Variants in SACS observed in about 807,000 individuals in gnomAD.
SACS encodes sacsin molecular chaperone, also known as sacsin.
Under a neutral mutation model 348.0 loss-of-function variants are expected in SACS, and 197 were observed. That is an observed-to-expected ratio of 0.57 (90% CI 0.50 to 0.64). The LOEUF (loss-of-function observed/expected upper bound fraction) is 0.64, where lower values mean the gene tolerates loss of function less well. Among genes scored for constraint, SACS ranks in the 30% least tolerant of loss-of-function variants. The pLI is 0.00. For missense variants in SACS, 4,999 were observed against 5,360.8 expected (o/e 0.93, Z 2.11); for synonymous variants, 1,985 against 1,910.6 (o/e 1.04, Z -1.02).
At chr13:23,421,380 G>A (rs998703777) in intron 1 of SACS, among the ~76,000 whole-genome samples, 5 of 152,004 alleles carry the variant, frequency 3.3e-5, no homozygotes, top group African/African-American at 1.2e-4. Context: ...TGTGGAGTGT[G>A]CCGTCCCATG....
intron 2 of SACS, among the ~76,000 whole-genome samples, chr13:23,396,549 A>C (rs1872719677): frequency 6.6e-6 from 1 of 152,194 alleles, no homozygotes; most frequent in South Asian, 2.1e-4. Context: ...CTAGATGTTT[A>C]AGATTAATTT....
intron 2 of SACS, among the ~76,000 whole-genome samples, chr13:23,398,065 C>T (rs1341561106): frequency 6.6e-6 from 1 of 151,702 alleles, no homozygotes; most frequent in Non-Finnish European, 1.5e-5. Context: ...GTGATGCATG[C>T]CTGTAATCCC....
At chr13:23,342,280 TA>T (rs1452519024) in intron 9 of SACS, among the ~76,000 whole-genome samples, 1 of 152,226 alleles carries the variant, frequency 6.6e-6, no homozygotes, top group Non-Finnish European at 1.5e-5. Context: ...ATATGTTTTT[TA>T]AAGTATCCTA....
intron 5 of SACS, among the ~76,000 whole-genome samples, chr13:23,366,002 A>G (rs1871038654): frequency 6.6e-6 from 1 of 152,114 alleles, no homozygotes; most frequent in South Asian, 2.1e-4. Flanking sequence ...ACTTCTGCAC[A>G]CCTACTAAAA....
At chr13:23,375,370 C>A in intron 2 of SACS, 101 bp from the exon 3 acceptor site, 1 of 1,257,858 alleles carries the variant, frequency 8.0e-7, no homozygotes, top group Non-Finnish European at 1.0e-6. Context: ...CATCGCGGCG[C>A]GGCAGGCGCC....
intron 2 of SACS, among the ~76,000 whole-genome samples, chr13:23,409,688 T>C (rs894864574): frequency 6.6e-6 from 1 of 152,138 alleles, no homozygotes; most frequent in African/African-American, 2.4e-5. Flanking sequence ...AAGACTGATG[T>C]TTTGACTCTC....
In SACS at chr13:23,330,142, T is replaced by A; in HGVS notation, c.13734A>T (p.Lys4578Asn). ...IIKLENFMQQ[K>N]V ...TTTTTTTCGTTAAATATCTTCACAC[T>A]TTTTGTTGCATAAAATTTTCAAGTT... The change falls in exon 10 of 10, where the codon AAA (lysine) becomes AAT (asparagine). Residue 4578 changes from lysine (K) to asparagine (N), a missense_variant. This residue lies in a region of SACS where 254 missense variants were observed against 275.1 expected (regional missense o/e 0.92). Transcript: ENST00000382292. 1 of 1,613,516 alleles carries A rather than the reference T, an allele frequency of 6.2e-7. No homozygotes were observed. The highest frequency in any genetic ancestry group is 8.5e-7 in the Non-Finnish European group (1 of 1,179,530).
intron 9 of SACS, chr13:23,346,686 T>C (rs935215221): frequency 1.9e-5 from 4 of 205,158 alleles, no homozygotes; most frequent in African/African-American, 9.4e-5. Context: ...TTATAGTTAT[T>C]ACCACCAGAA....
chr13:23,378,386 C>T (rs564136423), intron 2 of SACS, among the ~76,000 whole-genome samples: 7 of 152,280 alleles, frequency 4.6e-5, no homozygotes, highest in African/African-American at 1.7e-4. Context: ...TGAGCTGCAC[C>T]CACCATTTCA....
chr13:23,355,260 G>C lies in SACS; in HGVS notation c.1352C>G (p.Pro451Arg). 1 of 1,614,138 alleles carries C rather than the reference G, an allele frequency of 6.2e-7. No individual in the cohort carries two copies. The highest frequency in any genetic ancestry group is 1.6e-4 in the Middle Eastern group (1 of 6,062). Residue 451 changes from proline to arginine, a missense_variant, in exon 8 of 10, where the codon CCA becomes CGA. By Grantham distance (103) the Pro-to-Arg change is moderately radical. Around this residue, in one of 6 missense-constraint regions of SACS, gnomAD observed 3,156 missense variants for 3,380.1 expected, o/e 0.93. Transcript: ENST00000382292. Reference protein sequence around the residue: ...SGKAFCFLPLPPGEESSTGLP... With the variant: ...SGKAFCFLPLRPGEESSTGLP... ...GCCTGTGCTGCTTTCCTCACCAGGTGGTAAAGGAAGGAAACAAAATGCTTT... is the reference window on the plus strand; with the variant it reads ...GCCTGTGCTGCTTTCCTCACCAGGTCGTAAAGGAAGGAAACAAAATGCTTT...
At position 23,332,273 on chromosome 13, in the gene SACS, T is replaced by C. The variant is rs879589237; in HGVS notation, c.11603A>G (p.Gln3868Arg). Reference protein sequence around the residue: ...SRIFKNSEGKQLDPNEMRTVK... With the variant: ...SRIFKNSEGKRLDPNEMRTVK... ...TGTACGCATTTCATTAGGATCTAAT[T>C]GTTTGCCCTCAGAATTTTTAAATAT... Residue 3868 changes from glutamine to arginine, a missense_variant, in exon 10 of 10, where the codon CAA becomes CGA. Gln to Arg is a conservative substitution (Grantham distance 43). Around this residue, in one of 6 missense-constraint regions of SACS, gnomAD observed 831 missense variants for 941.8 expected, o/e 0.88. Coordinates refer to ENST00000382292, the MANE Select transcript of SACS (RefSeq NM_014363.6). 3 of 1,613,984 alleles carry C rather than the reference T, an allele frequency of 1.9e-6. No homozygotes were observed. Among genetic ancestry groups the C allele is most frequent in the Non-Finnish European group, 1.7e-6 (2 of 1,179,928 alleles).
intron 2 of SACS, among the ~76,000 whole-genome samples, chr13:23,393,791 C>T (rs959190932): frequency 1.3e-5 from 2 of 151,760 alleles, no homozygotes; most frequent in African/African-American, 4.8e-5. Flanking sequence ...GACGGAGTCT[C>T]GCACTGTCAC....
At position 23,337,032 on chromosome 13, in the gene SACS, A is replaced by G. The variant is rs1868678889; in HGVS notation, c.6844T>C (p.Leu2282=). ...ACTGTTGGCTTCTTGAGTAATCCCA[A>G]AAACTCTTTAACAGCCAATGACACT... The part of the protein sequence containing the change: ...GSVSLAVKEF[L]GLLKKPTVDL... Residue 2282 remains leucine (L), a synonymous_variant, in exon 10 of 10, where the codon TTG becomes CTG. Transcript: ENST00000382292. 6.2e-7 allele frequency: 1 copy of G among 1,613,976 alleles called. No homozygotes were observed. Among genetic ancestry groups the G allele is most frequent in the South Asian group, 1.1e-5 (1 of 91,076 alleles).
Position 23,337,832 on chromosome 13 carries a change from T to C in SACS, c.6044A>G (p.Tyr2015Cys). Reference sequence around the variant, plus strand: ...GTTTTTGGACCCAGTCTTCTTGAGGTATTTCAAAAATATCTTGAAGGCTGC... The same window carrying C: ...GTTTTTGGACCCAGTCTTCTTGAGGCATTTCAAAAATATCTTGAAGGCTGC... The part of the protein sequence containing the change: ...GSAAFKIFLK[Y>C]LKKTGSKNLC... Residue 2015 changes from tyrosine (Y) to cysteine (C), a missense_variant, in exon 10 of 10, where the codon TAC becomes TGC. Transcript: ENST00000382292. 6.2e-7 allele frequency: 1 copy of C among 1,613,936 alleles called. No homozygotes were observed. Among genetic ancestry groups the C allele is most frequent in the Non-Finnish European group, 8.5e-7 (1 of 1,179,972 alleles).
At chr13:23,429,529 A>C (rs183064979) in intron 1 of SACS, among the ~76,000 whole-genome samples, 2 of 151,582 alleles carry the variant, frequency 1.3e-5, no homozygotes, top group Admixed American at 6.6e-5. Flanking sequence ...TGCCCGGCTA[A>C]TTTTTTTGTA....
chr13:23,420,293 C>T (rs1873874242), intron 1 of SACS, among the ~76,000 whole-genome samples: 3 of 152,114 alleles, frequency 2.0e-5, no homozygotes, highest in African/African-American at 7.2e-5. Flanking sequence ...TGGGGTCTGA[C>T]AGTCAACTGG....
chr13:23,361,269 G>A (rs1566084179), intron 6 of SACS, among the ~76,000 whole-genome samples: 1 of 152,176 alleles, frequency 6.6e-6, no homozygotes, highest in Admixed American at 6.5e-5. Flanking sequence ...GGGGCAGGAA[G>A]AATCTAGTTA....
At chr13:23,361,869 G>A (rs770172096) in intron 6 of SACS, among the ~76,000 whole-genome samples, 11 of 152,056 alleles carry the variant, frequency 7.2e-5, no homozygotes, top group Non-Finnish European at 1.5e-4. Context: ...CAGGCCTGCA[G>A]TCTATTTCCC....
In SACS at chr13:23,339,502, C is replaced by T. The variant is rs779057936; in HGVS notation, c.4374G>A (p.Glu1458=). 6.2e-7 allele frequency: 1 copy of T among 1,610,188 alleles called. No individual in the cohort carries two copies. The highest frequency in any genetic ancestry group is 1.7e-5 in the Admixed American group (1 of 59,700). ...NMGFEQSGQR[E]PLTVRIKNIL... is the part of the protein sequence containing the mutation. Reference sequence around the variant, plus strand: ...TATTTTTAATTCTTACAGTAAGTGGCTCTCTTTGTCCTGACTGCTCAAATC... The same window carrying T: ...TATTTTTAATTCTTACAGTAAGTGGTTCTCTTTGTCCTGACTGCTCAAATC... The change falls in exon 10 of 10, where the codon GAG becomes GAA. Residue 1458 remains glutamate (E), a synonymous_variant. Coordinates refer to ENST00000382292, the MANE Select transcript of SACS (RefSeq NM_014363.6).
Sources: allele counts gnomAD v4.1 joint callset (sites outside exome capture counted in the v4.1 genomes callset), GRCh38; gene constraint gnomAD v4.1.1; regional missense constraint gnomAD v4.1.1; transcripts MANE v1.5; gene names NCBI Gene and HGNC (gene_info 2026-07-23, HGNC 2026-07-21).